The following SLC24A2 variants were observed in gnomAD, a reference collection of about 807,000 sequenced individuals.
SLC24A2 encodes the protein solute carrier family 24 member 2.
SLC24A2 carries 36 observed loss-of-function variants against 62.0 expected under a neutral mutation model. That is an observed-to-expected ratio of 0.58 (90% CI 0.44 to 0.77). SLC24A2 has a LOEUF of 0.77. Among genes scored for constraint, SLC24A2 ranks in the 30% least tolerant of loss-of-function variants. The pLI, the probability that SLC24A2 is intolerant of heterozygous loss-of-function variation, is 0.00. For missense variants in SLC24A2, 846 were observed against 817.9 expected (o/e 1.03, Z -0.42); for synonymous variants, 358 against 294.0 (o/e 1.22, Z -2.23).
the SLC24A2 span, among the ~76,000 whole-genome samples, chr9:19,971,006 G>A: frequency 2.0e-5 from 3 of 152,198 alleles, no homozygotes; most frequent in Non-Finnish European, 4.4e-5. Context: ...TCTGGGCTCA[G>A]CCTTATGACC....
chr9:19,812,844 C>A, the SLC24A2 span, among the ~76,000 whole-genome samples: 1 of 152,094 alleles, frequency 6.6e-6, no homozygotes, highest in Non-Finnish European at 1.5e-5. Flanking sequence ...ACTTTAGTTT[C>A]AGTAAGTGTC....
At chr9:20,023,596 A>G in the SLC24A2 span, among the ~76,000 whole-genome samples, 1 of 152,212 alleles carries the variant, frequency 6.6e-6, no homozygotes, top group East Asian at 1.9e-4. Context: ...AAGATATGTC[A>G]AAGTACCTTT....
At chr9:19,996,368 G>A in the SLC24A2 span, among the ~76,000 whole-genome samples, 3 of 152,094 alleles carry the variant, frequency 2.0e-5, no homozygotes, top group Admixed American at 6.6e-5. Flanking sequence ...TATTTGAGTC[G>A]ATTATGTGTT....
intron 7 of SLC24A2, among the ~76,000 whole-genome samples, chr9:19,550,491 C>T (rs1215992959): frequency 2.0e-5 from 3 of 152,154 alleles, no homozygotes; most frequent in Non-Finnish European, 2.9e-5. Flanking sequence ...CTTTTATCTC[C>T]TTGAATGCTC....
At chr9:19,895,899 A>G in the SLC24A2 span, 2 of 1,613,522 alleles carry the variant, frequency 1.2e-6, no homozygotes, top group Non-Finnish European at 1.7e-6. Flanking sequence ...TGCGCCGGGC[A>G]GGGTCAAATT....
At chr9:20,276,433 G>C in the SLC24A2 span, among the ~76,000 whole-genome samples, 5 of 152,340 alleles carry the variant, frequency 3.3e-5, no homozygotes, top group South Asian at 6.2e-4. Context: ...CCATGGTCTT[G>C]GGCAGCTCTG....
the SLC24A2 span, among the ~76,000 whole-genome samples, chr9:20,014,958 G>C: frequency 6.6e-6 from 1 of 152,128 alleles, no homozygotes; most frequent in African/African-American, 2.4e-5. Context: ...ATGCTACATT[G>C]TATACGTTTA....
intron 8 of SLC24A2, among the ~76,000 whole-genome samples, chr9:19,528,822 C>T (rs944331260): frequency 6.6e-6 from 1 of 152,254 alleles, no homozygotes; most frequent in Non-Finnish European, 1.5e-5. Flanking sequence ...GCAGATCAGA[C>T]ATTGCTCTCA....
intron 9 of SLC24A2, among the ~76,000 whole-genome samples, chr9:19,522,756 G>C (rs1382793400): frequency 6.6e-6 from 1 of 152,132 alleles, no homozygotes; most frequent in Non-Finnish European, 1.5e-5. Flanking sequence ...CTGATTTGCT[G>C]AGTAAGCAAA....
chr9:19,715,342 C>A (rs1488916686), intron 2 of SLC24A2, among the ~76,000 whole-genome samples: 3 of 152,040 alleles, frequency 2.0e-5, no homozygotes, highest in African/African-American at 2.4e-5. Context: ...AGATATTAAC[C>A]CTGCCCCTTC....
chr9:20,224,934 C>A, the SLC24A2 span, among the ~76,000 whole-genome samples: 1 of 152,066 alleles, frequency 6.6e-6, no homozygotes, highest in Non-Finnish European at 1.5e-5. Flanking sequence ...CTTCTCTTGA[C>A]CCCACCAAGC....
At chr9:20,016,631 AT>A in the SLC24A2 span, among the ~76,000 whole-genome samples, 8 of 152,332 alleles carry the variant, frequency 5.3e-5, no homozygotes, top group South Asian at 1.7e-3. Context: ...CTGTGTAAAT[AT>A]TTTCTCTGAG....
the SLC24A2 span, among the ~76,000 whole-genome samples, chr9:19,962,954 C>T: frequency 1.3e-5 from 2 of 152,232 alleles, no homozygotes; most frequent in African/African-American, 4.8e-5. Flanking sequence ...AAAGGGAATG[C>T]TTCCAGTTTT....
intron 2 of SLC24A2, among the ~76,000 whole-genome samples, chr9:19,749,889 G>A (rs958765340): frequency 3.3e-5 from 5 of 152,150 alleles, no homozygotes; most frequent in African/African-American, 9.7e-5. Context: ...ATGTCACACT[G>A]CAGTGCATTC....
chr9:19,831,995 T>C, the SLC24A2 span, among the ~76,000 whole-genome samples: 1 of 152,248 alleles, frequency 6.6e-6, no homozygotes, highest in African/African-American at 2.4e-5. Context: ...TGGACATTGT[T>C]TTTTGTCTGT....
At position 19,509,255 on chromosome 9, in the gene SLC24A2, A is replaced by G. The variant is rs1563916886; in HGVS notation, c.*6898T>C. 1 of 152,208 alleles carries G rather than the reference A, an allele frequency of 6.6e-6. No homozygotes were observed. Among genetic ancestry groups the G allele is most frequent in the Non-Finnish European group, 1.5e-5 (1 of 68,012 alleles). The allele number at this position is 152,208 out of a possible 1,614,324, so 9.4% of individuals were successfully genotyped here. ...CTTGCTAAAGAAACTGTAATAAGCT[A>G]TTTTGAAAACGAAGACTGCTTTTGT... On this transcript the variant is annotated 3_prime_UTR_variant, in exon 11 of 11. Transcript: ENST00000341998.
the SLC24A2 span, among the ~76,000 whole-genome samples, chr9:20,138,388 A>G: frequency 6.6e-6 from 1 of 152,194 alleles, no homozygotes; most frequent in African/African-American, 2.4e-5. Flanking sequence ...TTGTTTTCCC[A>G]GGAGGTCCTG....
the SLC24A2 span, among the ~76,000 whole-genome samples, chr9:20,001,075 A>G: frequency 1.3e-5 from 2 of 152,184 alleles, no homozygotes; most frequent in South Asian, 2.1e-4. Context: ...AAAATAAACA[A>G]TCAAATGCAA....
the SLC24A2 span, among the ~76,000 whole-genome samples, chr9:20,004,888 C>CTTGAAAACAATATCACTTTTT: frequency 5.9e-5 from 9 of 151,628 alleles, no homozygotes; most frequent in African/African-American, 1.9e-4. Context: ...ATGAGGAAAA[C>CTTGAAAACAATATCACTTTTT]TTGAAAACAA....
Sources: gnomAD v4.1 joint callset for allele counts (sites outside exome capture counted in the v4.1 genomes callset) on GRCh38, gnomAD v4.1.1 for gene constraint, MANE v1.5 for transcripts, NCBI Gene and HGNC (gene_info 2026-07-23, HGNC 2026-07-21) for gene names.